SLC24A2: variants seen among roughly 807,000 people sequenced by gnomAD.
SLC24A2 encodes the protein sodium/potassium/calcium exchanger 2.
A neutral mutation model predicts 62.0 loss-of-function variants in SLC24A2; 36 were observed. That is an observed-to-expected ratio of 0.58 (90% CI 0.44 to 0.77). The LOEUF is 0.77. Ranked by LOEUF, SLC24A2 falls within the 30% of genes least tolerant of loss-of-function variation. The pLI is 0.00. For missense variants in SLC24A2, 846 were observed against 817.9 expected (o/e 1.03, Z -0.42); for synonymous variants, 358 against 294.0 (o/e 1.22, Z -2.23).
chr9:19,834,351 TA>T, the SLC24A2 span, among the ~76,000 whole-genome samples: 5 of 151,914 alleles, frequency 3.3e-5, no homozygotes, highest in Admixed American at 3.3e-4. Flanking sequence ...AATGGATAAC[TA>T]GAATAACCAA....
At chr9:20,277,397 T>A in the SLC24A2 span, among the ~76,000 whole-genome samples, 1 of 150,878 alleles carries the variant, frequency 6.6e-6, no homozygotes, top group South Asian at 2.1e-4. Context: ...AAGAAGAAAA[T>A]CAAACAACCC....
intron 8 of SLC24A2, among the ~76,000 whole-genome samples, chr9:19,529,560 G>A (rs1833599687): frequency 1.3e-5 from 2 of 152,050 alleles, no homozygotes; most frequent in East Asian, 1.9e-4. Flanking sequence ...TGATTAAATC[G>A]GGGGAGGGCA....
At chr9:19,794,646 C>T in the SLC24A2 span, among the ~76,000 whole-genome samples, 1 of 151,236 alleles carries the variant, frequency 6.6e-6, no homozygotes, top group Non-Finnish European at 1.5e-5. Flanking sequence ...GAAGTGGGGT[C>T]TGTCCATTTC....
chr9:19,547,562 C>T (rs1834644079), intron 8 of SLC24A2, among the ~76,000 whole-genome samples: 1 of 147,580 alleles, frequency 6.8e-6, no homozygotes, highest in African/African-American at 2.7e-5. Context: ...AGAGGATAAA[C>T]ACTTTGCCAG....
At chr9:19,658,427 G>T (rs1819002286) in intron 2 of SLC24A2, among the ~76,000 whole-genome samples, 1 of 152,200 alleles carries the variant, frequency 6.6e-6, no homozygotes, top group Non-Finnish European at 1.5e-5. Context: ...TGGTGGGGAA[G>T]CTGGCTCATT....
chr9:20,094,107 T>C, the SLC24A2 span, among the ~76,000 whole-genome samples: 1 of 152,196 alleles, frequency 6.6e-6, no homozygotes, highest in Non-Finnish European at 1.5e-5. Flanking sequence ...TCCGAAGCAA[T>C]GATGCCTTGA....
intron 4 of SLC24A2, among the ~76,000 whole-genome samples, chr9:19,610,219 A>G (rs1837114825): frequency 6.6e-6 from 1 of 152,260 alleles, no homozygotes; most frequent in African/African-American, 2.4e-5. Flanking sequence ...ACAAGGAAGG[A>G]GAAATTACTA....
intron 5 of SLC24A2, among the ~76,000 whole-genome samples, chr9:19,584,591 A>G (rs184220055): frequency 3.9e-5 from 6 of 152,314 alleles, no homozygotes; most frequent in Admixed American, 1.3e-4. Context: ...TTTACCTAAT[A>G]GAGGCAGGCT....
the SLC24A2 span, among the ~76,000 whole-genome samples, chr9:19,994,737 T>C: frequency 1.3e-5 from 2 of 152,178 alleles, no homozygotes; most frequent in Non-Finnish European, 2.9e-5. Context: ...GAAGATAGTG[T>C]GGCTTCATGC....
the SLC24A2 span, among the ~76,000 whole-genome samples, chr9:19,905,467 G>C: frequency 6.7e-6 from 1 of 150,250 alleles, no homozygotes; most frequent in Non-Finnish European, 1.5e-5. Flanking sequence ...GGAGTGCAAT[G>C]GTGTGATCTA....
At chr9:20,129,194 G>T in the SLC24A2 span, among the ~76,000 whole-genome samples, 1 of 152,084 alleles carries the variant, frequency 6.6e-6, no homozygotes, top group Non-Finnish European at 1.5e-5. Flanking sequence ...ATGAAAATAT[G>T]CTCAGTATCA....
chr9:19,714,273 C>T (rs1465200687), intron 2 of SLC24A2, among the ~76,000 whole-genome samples: 1 of 151,982 alleles, frequency 6.6e-6, no homozygotes, highest in African/African-American at 2.4e-5. Context: ...GAATTAGGAC[C>T]CCAAAGGTGG....
the SLC24A2 span, among the ~76,000 whole-genome samples, chr9:19,944,441 T>TAAAA: frequency 3.8e-5 from 3 of 78,520 alleles, no homozygotes; most frequent in Admixed American, 1.4e-4. Context: ...AAAGTAGTAG[T>TAAAA]AAAAAAAAAA....
At chr9:19,766,340 C>T (rs1822514436) in intron 2 of SLC24A2, among the ~76,000 whole-genome samples, 1 of 152,172 alleles carries the variant, frequency 6.6e-6, no homozygotes, top group African/African-American at 2.4e-5. Flanking sequence ...TGTTCCCTTG[C>T]TGGTGAGGAG....
chr9:19,518,015 T>A (rs1490115795), intron 10 of SLC24A2, among the ~76,000 whole-genome samples: 2 of 151,700 alleles, frequency 1.3e-5, no homozygotes, highest in African/African-American at 4.8e-5. Context: ...TGCAAAAACC[T>A]TTCGGGGGAA....
Position 19,687,366 on chromosome 9 carries a change from A to G in SLC24A2, c.931-65067T>C, listed in dbSNP as rs561311738. ...CATGTTACTCACCCCTTGTGTACAT[A>G]GTCCTCAAGTTACTTAAAGTTTATG... On this transcript the variant is annotated intron_variant, in intron 2 of 10. Transcript: ENST00000341998. 2.2e-4 allele frequency among the ~76,000 whole-genome samples: 33 copies of G among 152,260 alleles called. No homozygotes were observed. The East Asian group carries it at 4.6e-3, about 21-fold the overall frequency.
the SLC24A2 span, among the ~76,000 whole-genome samples, chr9:20,031,049 C>T: frequency 6.6e-6 from 1 of 151,792 alleles, no homozygotes; most frequent in Non-Finnish European, 1.5e-5. Context: ...TGTGATAATG[C>T]CACTCTGCTT....
rs1833169000 is a variant in SLC24A2, at chr9:19,520,901, T to C, written c.1729A>G (p.Thr577Ala). The part of the protein sequence containing the change: ...SSVGSNIFDI[T>A]VGLPLPWLLY... ...AGAACTACCTCTACTCACCCTACAGTGATGTCAAAAATGTTGCTTCCAACA... is the reference window on the plus strand; with the variant it reads ...AGAACTACCTCTACTCACCCTACAGCGATGTCAAAAATGTTGCTTCCAACA... The change falls in exon 10 of 11, where the codon ACT (threonine) becomes GCT (alanine). Residue 577 changes from threonine to alanine, a missense_variant. Thr to Ala is a moderately conservative substitution (Grantham distance 58). Transcript: ENST00000341998. The C allele has an allele frequency of 5.6e-6, 9 of 1,613,828 alleles. No individual in the cohort carries two copies. Among genetic ancestry groups the C allele is most frequent in the Non-Finnish European group, 7.6e-6 (9 of 1,179,902 alleles).
At chr9:19,799,951 G>A in the SLC24A2 span, among the ~76,000 whole-genome samples, 1 of 152,150 alleles carries the variant, frequency 6.6e-6, no homozygotes, top group Admixed American at 6.5e-5. Context: ...TAAGGCTCCA[G>A]GGGAGAATCC....
Sources: gnomAD v4.1 joint callset for allele counts (sites outside exome capture counted in the v4.1 genomes callset) on GRCh38, gnomAD v4.1.1 for gene constraint, MANE v1.5 for transcripts, NCBI Gene and HGNC (gene_info 2026-07-23, HGNC 2026-07-21) for gene names.